The following ATP2A2 variants were observed in gnomAD, a reference collection of about 807,000 sequenced individuals.
The protein encoded by ATP2A2 is sarcoplasmic/endoplasmic reticulum calcium ATPase 2.
Under a neutral mutation model 109.3 loss-of-function variants are expected in ATP2A2, and 14 were observed. The ratio of observed to expected loss-of-function variants is 0.13; its 90% confidence interval spans 0.08 to 0.20. The LOEUF is 0.20. Ranked by LOEUF, ATP2A2 falls within the 10% of genes least tolerant of loss-of-function variation. The pLI is 1.00. For synonymous variants in ATP2A2, 506 were observed against 490.9 expected, an observed-to-expected ratio of 1.03 and a Z score of -0.41; for missense variants, 657 against 1,321.6, an observed-to-expected ratio of 0.50 and a Z score of 7.80.
chr12:110,300,207 C>CTTTTT (rs1874453556), intron 5 of ATP2A2, among the ~76,000 whole-genome samples: 1 of 94,060 alleles, frequency 1.1e-5, no homozygotes, highest in Non-Finnish European at 2.0e-5. Context: ...TTTTTTTTAA[C>CTTTTT]TTGGAGACAG....
chr12:110,312,151 C>G (rs1357430077), intron 5 of ATP2A2, among the ~76,000 whole-genome samples: 1 of 152,044 alleles, frequency 6.6e-6, no homozygotes, highest in Non-Finnish European at 1.5e-5. Flanking sequence ...TATGCTCCAG[C>G]CTGGGTGACA....
chr12:110,282,047 C>T, intron 1 of ATP2A2, 140 bp downstream of exon 1: 1 of 585,654 alleles, frequency 1.7e-6, no homozygotes, highest in Non-Finnish European at 2.7e-6. Context: ...GCGCGCCGGC[C>T]CCGCGGGAGA....
chr12:110,293,293 C>T (rs1471865583), intron 4 of ATP2A2, among the ~76,000 whole-genome samples: 3 of 151,642 alleles, frequency 2.0e-5, no homozygotes, highest in Admixed American at 6.6e-5. Flanking sequence ...TGGTCTCAAA[C>T]CCCTGACCTC....
Position 110,349,378 on chromosome 12 carries a change from G to T in ATP2A2, c.*2908G>T. Reference sequence around the variant, plus strand: ...CTTTCCTGATGGGCAGGTGGCTGAAGGCCCAGCCATCAGTGTCGCTTGTTG... The same window carrying T: ...CTTTCCTGATGGGCAGGTGGCTGAATGCCCAGCCATCAGTGTCGCTTGTTG... On this transcript the variant is annotated 3_prime_UTR_variant, in exon 20 of 20. Transcript: ENST00000539276. The T allele has an allele frequency of 1.0e-6, 1 of 985,530 alleles. No homozygotes were observed. The highest frequency in any genetic ancestry group is 1.2e-6 in the Non-Finnish European group (1 of 829,990). 61.0% of individuals were successfully genotyped at this position (985,530 alleles called of 1,614,324 possible).
chr12:110,330,846 T>A lies in ATP2A2; in HGVS notation c.1096-1751T>A, dbSNP rs1310878679. 11 of 152,332 alleles carry A rather than the reference T, an allele frequency of 7.2e-5. No individual in the cohort carries two copies. The East Asian group carries it at 1.9e-3, about 27-fold the overall frequency. 9.4% of individuals were successfully genotyped at this position (152,332 alleles called of 1,614,324 possible). ...TCCTGCATATCCTAAATGGTTGACT[T>A]GCTCACAGTCAAAAATGTCTAAGTA... On this transcript the variant is annotated intron_variant, in intron 8 of 19. Transcript: ENST00000539276.
intron 4 of ATP2A2, among the ~76,000 whole-genome samples, chr12:110,294,537 C>G (rs373219647): frequency 6.6e-6 from 1 of 151,950 alleles, no homozygotes; most frequent in African/African-American, 2.4e-5. Context: ...AGCATGCGCC[C>G]CCAGCTACTT....
At chr12:110,314,336 G>GAAAAAAAAAAAAA (rs398055936) in intron 5 of ATP2A2, among the ~76,000 whole-genome samples, 1 of 122,564 alleles carries the variant, frequency 8.2e-6, no homozygotes. Flanking sequence ...CTCAAAAAAA[G>GAAAAAAAAAAAAA]AAAAAAAAAA....
rs895477401 is a variant in ATP2A2 at position 110,349,838 on chromosome 12, A to G, written c.*3368A>G. On this transcript the variant is annotated 3_prime_UTR_variant, in exon 20 of 20. Transcript: ENST00000539276. ...TTTACTGAGGAGAATGATGCGGAGG[A>G]GTTTCCTCTCCAGGGCTAGGCAAGG... 1.1e-4 allele frequency: 111 copies of G among 1,044,134 alleles called. No homozygotes were observed. Among genetic ancestry groups the G allele is most frequent in the Non-Finnish European group, 1.2e-4 (108 of 865,328 alleles). The allele number at this position is 1,044,134 out of a possible 1,614,324, so 64.7% of individuals were successfully genotyped here. A position where few individuals can be genotyped will look rare whatever the true frequency, so the allele number is the denominator to read the frequency against.
At chr12:110,303,054 A>G (rs1320148466) in intron 5 of ATP2A2, among the ~76,000 whole-genome samples, 3 of 152,180 alleles carry the variant, frequency 2.0e-5, no homozygotes, top group Non-Finnish European at 2.9e-5. Flanking sequence ...TTGTCATACT[A>G]CTAGGCAGTG....
chr12:110,310,367 C>T (rs1875892834), intron 5 of ATP2A2, among the ~76,000 whole-genome samples: 1 of 152,080 alleles, frequency 6.6e-6, no homozygotes, highest in African/African-American at 2.4e-5. Flanking sequence ...CTCAAGGGAT[C>T]CTCTTCCCTT....
At chr12:110,318,087 G>A (rs536085152) in intron 5 of ATP2A2, among the ~76,000 whole-genome samples, 1 of 152,182 alleles carries the variant, frequency 6.6e-6, no homozygotes, top group Non-Finnish European at 1.5e-5. Context: ...TGCCTCACCA[G>A]GGAAATGTTA....
Position 110,346,350 on chromosome 12 carries a change from A to G in ATP2A2, c.3009A>G (p.Lys1003=). 6.2e-7 allele frequency: 1 copy of G among 1,613,766 alleles called. No homozygotes were observed. ...PGKECVQPAT[K]SCSFSACTDG... Reference sequence around the variant, plus strand: ...AAGAGTGTGTGCAGCCTGCCACCAAATCCTGCTCGTTCTCGGCATGCACCG... The same window carrying G: ...AAGAGTGTGTGCAGCCTGCCACCAAGTCCTGCTCGTTCTCGGCATGCACCG... Residue 1003 remains lysine, a synonymous_variant, in exon 20 of 20, where the codon AAA becomes AAG. Transcript: ENST00000539276.
chr12:110,321,586 A>C (rs1159611841), intron 5 of ATP2A2, among the ~76,000 whole-genome samples: 2 of 152,144 alleles, frequency 1.3e-5, no homozygotes, highest in African/African-American at 2.4e-5. Flanking sequence ...GCACACTACC[A>C]TTCCTCCCAG....
In ATP2A2 at chr12:110,304,982, T is replaced by G. The variant is rs193203571; in HGVS notation, c.463+8245T>G. On this transcript the variant is annotated intron_variant, in intron 5 of 19. Coordinates refer to ENST00000539276, the MANE Select transcript of ATP2A2 (RefSeq NM_170665.4). ...TCTTGCTCTGTTGTCCAGGCTGGAGTGCAGCGAGTGGCATGATCTCGGCTC... is the reference window on the plus strand; with the variant it reads ...TCTTGCTCTGTTGTCCAGGCTGGAGGGCAGCGAGTGGCATGATCTCGGCTC... Among the ~76,000 whole-genome samples the G allele has an allele frequency of 5.6e-3, 852 of 151,846 alleles. 9 individuals carry two copies. The highest frequency in any genetic ancestry group is 0.016 in the South Asian group (77 of 4,810).
At chr12:110,301,287 A>C (rs936014240) in intron 5 of ATP2A2, among the ~76,000 whole-genome samples, 1 of 152,236 alleles carries the variant, frequency 6.6e-6, no homozygotes, top group African/African-American at 2.4e-5. Context: ...AGGAAACTAC[A>C]ACTGTGATAC....
chr12:110,282,005 C>A, intron 1 of ATP2A2, 98 bp downstream of exon 1: 1 of 938,184 alleles, frequency 1.1e-6, no homozygotes, highest in Non-Finnish European at 1.5e-6. Flanking sequence ...GGCTCCGCGC[C>A]CGCCGACAGC....
chr12:110,326,116 T>TAATTTA, intron 6 of ATP2A2: 1 of 498,104 alleles, frequency 2.0e-6, no homozygotes, highest in South Asian at 2.2e-5. Flanking sequence ...TTTGAATAGT[T>TAATTTA]ACTCCAGAAA....
intron 5 of ATP2A2, among the ~76,000 whole-genome samples, chr12:110,301,766 C>T (rs761558149): frequency 1.7e-4 from 26 of 152,346 alleles, no homozygotes; most frequent in Non-Finnish European, 3.5e-4. Flanking sequence ...GATAAACTTG[C>T]ATTGTGTGTA....
chr12:110,291,182 A>C, intron 3 of ATP2A2, among the ~76,000 whole-genome samples: 1 of 150,490 alleles, frequency 6.6e-6, no homozygotes, highest in East Asian at 1.9e-4. Flanking sequence ...TGCTGGAATT[A>C]CAGGCGTGAG....
Sources: gnomAD v4.1 joint callset for allele counts (sites outside exome capture counted in the v4.1 genomes callset) on GRCh38, gnomAD v4.1.1 for gene constraint, MANE v1.5 for transcripts, NCBI Gene and HGNC (gene_info 2026-07-23, HGNC 2026-07-21) for gene names.